The following KALRN variants were observed in gnomAD, a reference collection of about 807,000 sequenced individuals.
KALRN encodes kalirin.
Under a neutral mutation model 353.7 loss-of-function variants are expected in KALRN, and 70 were observed. The observed-to-expected ratio is 0.20, with a 90% CI of 0.16 to 0.24. The LOEUF (loss-of-function observed/expected upper bound fraction) is 0.24. Ranked by LOEUF, KALRN falls within the 10% of genes least tolerant of loss-of-function variation. The pLI, the probability that KALRN is intolerant of heterozygous loss-of-function variation, is 1.00. For synonymous variants in KALRN, 1,391 were observed against 1,434.8 expected, an observed-to-expected ratio of 0.97 and a Z score of 0.69; for missense variants, 2,791 against 3,756.7, an observed-to-expected ratio of 0.74 and a Z score of 6.72.
At chr3:124,701,388 CT>C (rs1399269729) in intron 56 of KALRN, among the ~76,000 whole-genome samples, 51 of 99,296 alleles carry the variant, frequency 5.1e-4, no homozygotes, top group African/African-American at 6.7e-4. Context: ...TTCTTTCTTT[CT>C]TTTTTTTTTT....
At chr3:124,495,278 A>G (rs2063582193) in intron 32 of KALRN, among the ~76,000 whole-genome samples, 2 of 152,194 alleles carry the variant, frequency 1.3e-5, no homozygotes, top group South Asian at 2.1e-4. Context: ...AGAAATCATT[A>G]TAAACATGCA....
intron 6 of KALRN, 136 bp downstream of exon 6, chr3:124,299,049 A>T: frequency 8.4e-7 from 1 of 1,184,758 alleles, no homozygotes; most frequent in South Asian, 1.4e-5. Flanking sequence ...CATTTGTTGG[A>T]ATGGGGATGA....
intron 17 of KALRN, among the ~76,000 whole-genome samples, chr3:124,438,474 C>T (rs2150552230): frequency 6.6e-6 from 1 of 152,100 alleles, no homozygotes; most frequent in South Asian, 2.1e-4. Flanking sequence ...CTGCTTGAGG[C>T]TCCTTACTAT....
intron 10 of KALRN, among the ~76,000 whole-genome samples, chr3:124,360,136 C>T (rs1301737043): frequency 6.6e-6 from 1 of 152,234 alleles, no homozygotes; most frequent in Non-Finnish European, 1.5e-5. Flanking sequence ...CAGTTTGCAC[C>T]TGGGAGGCTC....
chr3:124,539,103 A>T (rs933949073), intron 33 of KALRN, among the ~76,000 whole-genome samples: 2 of 152,190 alleles, frequency 1.3e-5, no homozygotes, highest in Non-Finnish European at 2.9e-5. Flanking sequence ...CAAAGATGCA[A>T]CTATGGGGAT....
At chr3:124,525,818 A>G (rs1266453284) in intron 33 of KALRN, among the ~76,000 whole-genome samples, 1 of 152,020 alleles carries the variant, frequency 6.6e-6, no homozygotes, top group Non-Finnish European at 1.5e-5. Context: ...CTTGTAGGAG[A>G]GCCACAGGTA....
chr3:124,460,993 TC>T (rs1344198587), intron 23 of KALRN, among the ~76,000 whole-genome samples: 1 of 152,202 alleles, frequency 6.6e-6, no homozygotes, highest in African/African-American at 2.4e-5. Flanking sequence ...TTTCTACACA[TC>T]CGTTTATGCT....
chr3:124,412,391 C>G (rs575293238), intron 13 of KALRN, among the ~76,000 whole-genome samples: 1 of 152,220 alleles, frequency 6.6e-6, no homozygotes, highest in Admixed American at 6.5e-5. Context: ...GTGACACTTT[C>G]GTCTCCTGAG....
chr3:124,262,752 A>C (rs2073046975), intron 3 of KALRN, among the ~76,000 whole-genome samples: 1 of 152,162 alleles, frequency 6.6e-6, no homozygotes, highest in Non-Finnish European at 1.5e-5. Flanking sequence ...AAAGCCCCCC[A>C]AAAAGGTTTT....
At chr3:124,301,565 C>A (rs1299796133) in intron 6 of KALRN, among the ~76,000 whole-genome samples, 1 of 152,128 alleles carries the variant, frequency 6.6e-6, no homozygotes, top group Non-Finnish European at 1.5e-5. Context: ...ATAAACATAC[C>A]TGGTGCCTTT....
intron 7 of KALRN, among the ~76,000 whole-genome samples, chr3:124,327,064 A>G (rs2079990770): frequency 6.6e-6 from 1 of 152,216 alleles, no homozygotes; most frequent in Admixed American, 6.5e-5. Context: ...AGCTTAAAAT[A>G]CACCATGGTA....
intron 1 of KALRN, among the ~76,000 whole-genome samples, chr3:124,207,805 A>C (rs1330284407): frequency 6.6e-6 from 1 of 152,234 alleles, no homozygotes; most frequent in Non-Finnish European, 1.5e-5. Flanking sequence ...AGTAACCCTT[A>C]ATAAATGGTA....
At chr3:124,354,023 A>G (rs1453498311) in intron 10 of KALRN, among the ~76,000 whole-genome samples, 1 of 152,228 alleles carries the variant, frequency 6.6e-6, no homozygotes, top group Non-Finnish European at 1.5e-5. Flanking sequence ...GATAACTTCC[A>G]GTCAGGGGTT....
At chr3:124,305,876 G>C (rs1161822905) in intron 6 of KALRN, among the ~76,000 whole-genome samples, 1 of 151,858 alleles carries the variant, frequency 6.6e-6, no homozygotes, top group Non-Finnish European at 1.5e-5. Flanking sequence ...GAAAAAAAAG[G>C]AGTAAAAATA....
intron 14 of KALRN, among the ~76,000 whole-genome samples, chr3:124,422,383 T>TA (rs528861618): frequency 3.0e-4 from 45 of 148,446 alleles, no homozygotes; most frequent in Non-Finnish European, 5.7e-4. Flanking sequence ...TCTGACCAGC[T>TA]AAAAAAAAAA....
chr3:124,701,561 A>AT (rs1321513049), intron 56 of KALRN, among the ~76,000 whole-genome samples: 3 of 151,310 alleles, frequency 2.0e-5, no homozygotes, highest in African/African-American at 4.9e-5. Flanking sequence ...CTAGTTTTTG[A>AT]TTTTTTTGTA....
At chr3:124,618,144 T>C (rs2078841346) in intron 34 of KALRN, among the ~76,000 whole-genome samples, 1 of 127,414 alleles carries the variant, frequency 7.8e-6, no homozygotes, top group Non-Finnish European at 1.6e-5. Flanking sequence ...AGTCTCGCTC[T>C]GTCTCCCAGG....
chr3:124,554,593 T>TAGTGTTACTGATACTGAGGATATC (rs1380478849), intron 33 of KALRN, among the ~76,000 whole-genome samples: 1 of 152,252 alleles, frequency 6.6e-6, no homozygotes, highest in African/African-American at 2.4e-5. Flanking sequence ...GAGGATTTTA[T>TAGTGTTACTGATACTGAGGATATC]AGTGTTACTG....
At chr3:124,281,067 GA>G (rs1046652715) in intron 5 of KALRN, among the ~76,000 whole-genome samples, 17 of 151,794 alleles carry the variant, frequency 1.1e-4, no homozygotes, top group Admixed American at 2.6e-4. Context: ...ATAAAAAAAA[GA>G]AAAAAAACAC....
Sources: allele counts gnomAD v4.1 joint callset (sites outside exome capture counted in the v4.1 genomes callset), GRCh38; gene constraint gnomAD v4.1.1; transcripts MANE v1.5; gene names NCBI Gene and HGNC (gene_info 2026-07-23, HGNC 2026-07-21).